ANHX: variants seen among roughly 807,000 people sequenced by gnomAD.
ANHX encodes anomalous homeobox protein.
In ANHX, 20 loss-of-function variants were observed where a neutral mutation model predicts 38.9. That is an observed-to-expected ratio of 0.51 (90% CI 0.36 to 0.75). ANHX has a LOEUF of 0.75. Ranked by LOEUF, ANHX falls within the 30% of genes least tolerant of loss-of-function variation. ANHX has a pLI of 0.00. For missense variants in ANHX, 475 were observed against 493.1 expected (o/e 0.96, Z 0.35); for synonymous variants, 185 against 203.1 (o/e 0.91, Z 0.76).
At chr12:133,225,985 A>G (rs1957183609) in intron 6 of ANHX, among the ~76,000 whole-genome samples, 157 bp from the exon 7 acceptor site, 1 of 146,350 alleles carries the variant, frequency 6.8e-6, no homozygotes, top group African/African-American at 2.4e-5. Flanking sequence ...CAGACAAAGT[A>G]CTAGAAACAA....
At chr12:133,224,262 G>T (rs1046139265) in intron 7 of ANHX, among the ~76,000 whole-genome samples, 1 of 148,980 alleles carries the variant, frequency 6.7e-6, no homozygotes, top group African/African-American at 2.6e-5. Flanking sequence ...TGTTAAAAAT[G>T]TGATAAAAGC....
rs1957069485 is a variant in ANHX at position 133,218,823 on chromosome 12, T to C, written c.*62A>G. On this transcript the variant is annotated 3_prime_UTR_variant, in exon 10 of 10. Coordinates refer to ENST00000545940, the MANE Select transcript of ANHX (RefSeq NM_001372060.1). ...GGATAAAGCTCTGTAACTCCTTGTG[T>C]TGACCAGGCAGACCATCCACACCCG... is the stretch of plus-strand genomic sequence containing the variant. 6 of 1,285,622 alleles carry C rather than the reference T, an allele frequency of 4.7e-6. No homozygotes were observed. Among genetic ancestry groups the C allele is most frequent in the Admixed American group, 2.8e-5 (1 of 35,768 alleles). 79.6% of individuals were successfully genotyped at this position (1,285,622 alleles called of 1,614,324 possible).
intron 3 of ANHX, among the ~76,000 whole-genome samples, chr12:133,228,258 C>T (rs909471564): frequency 3.3e-5 from 5 of 151,794 alleles, no homozygotes; most frequent in Middle Eastern, 3.4e-3. Flanking sequence ...CACATGTAGA[C>T]ATCCTCATCC....
intron 4 of ANHX, 126 bp from the exon 5 acceptor site, chr12:133,227,278 G>A (rs1957202963): frequency 2.9e-6 from 3 of 1,023,604 alleles, no homozygotes; most frequent in Non-Finnish European, 4.2e-6. Flanking sequence ...ACCTCTCCAA[G>A]GACAGCAGAG....
intron 7 of ANHX, among the ~76,000 whole-genome samples, chr12:133,223,870 A>G (rs1248923607): frequency 2.0e-5 from 3 of 152,272 alleles, no homozygotes; most frequent in Non-Finnish European, 4.4e-5. Flanking sequence ...ATAAGAAAAA[A>G]AGAATCTAAG....
chr12:133,232,539 C>A (rs1436357771), intron 2 of ANHX, among the ~76,000 whole-genome samples: 1 of 152,188 alleles, frequency 6.6e-6, no homozygotes, highest in Non-Finnish European at 1.5e-5. Context: ...ATGGGAACTT[C>A]CCCCTGCCCT....
At chr12:133,232,691 C>A (rs919926118) in intron 2 of ANHX, among the ~76,000 whole-genome samples, 1 of 152,214 alleles carries the variant, frequency 6.6e-6, no homozygotes, top group African/African-American at 2.4e-5. Context: ...CTTCTAATTC[C>A]TCTGCAGGGG....
Position 133,231,586 on chromosome 12 carries a change from T to C in ANHX, c.308A>G (p.Tyr103Cys), listed in dbSNP as rs970307411. 2.0e-6 allele frequency: 3 copies of C among 1,535,966 alleles called. No individual in the cohort carries two copies. Among genetic ancestry groups the C allele is most frequent in the Admixed American group, 3.9e-5 (2 of 50,984 alleles). The change falls in exon 3 of 10, where the codon TAC becomes TGC. Residue 103 changes from tyrosine (Y) to cysteine (C), a missense_variant. Coordinates refer to ENST00000545940, the MANE Select transcript of ANHX (RefSeq NM_001372060.1). ...ELVQLWNDIH[Y>C]RLVMRRLGVA... Reference sequence around the variant, plus strand: ...GCCCAGCCTCCTCATGACCAGACGGTAGTGGATGTCGTTCCAGAGCTGCAC... The same window carrying C: ...GCCCAGCCTCCTCATGACCAGACGGCAGTGGATGTCGTTCCAGAGCTGCAC...
intron 2 of ANHX, among the ~76,000 whole-genome samples, chr12:133,233,425 AG>A (rs1957314275): frequency 6.6e-6 from 1 of 152,176 alleles, no homozygotes; most frequent in Admixed American, 6.5e-5. Context: ...AAGGAAAAAT[AG>A]GCATTCAAAT....
intron 3 of ANHX, among the ~76,000 whole-genome samples, chr12:133,230,853 C>G (rs1957262466): frequency 6.6e-6 from 1 of 152,114 alleles, no homozygotes; most frequent in East Asian, 1.9e-4. Flanking sequence ...GTTACCCTTT[C>G]TGTGCCTCCG....
Position 133,227,045 on chromosome 12 carries a change from C to A in ANHX, c.609G>T (p.Gln203His), listed in dbSNP as rs1490882001. 2.6e-6 allele frequency: 4 copies of A among 1,535,944 alleles called. No homozygotes were observed. The highest frequency in any genetic ancestry group is 2.7e-5 in the African/African-American group (2 of 73,054). Residue 203 changes from glutamine to histidine, a missense_variant, in exon 5 of 10, where the codon CAG (glutamine) becomes CAT (histidine). Physicochemically the swap from Gln to His is conservative, Grantham distance 24. Transcript: ENST00000545940. ...CACCAGGGTCTTCAGCTGTGGCCTG[C>A]TGGGCTGGCTTCATGTGCTGGGGAA... The part of the protein sequence containing the change: ...RALPQHMKPA[Q>H]QATAEDPGAR...
At chr12:133,225,366 T>C (rs1383246210) in intron 7 of ANHX, among the ~76,000 whole-genome samples, 170 bp downstream of exon 7, 3 of 151,976 alleles carry the variant, frequency 2.0e-5, no homozygotes, top group Admixed American at 6.6e-5. Flanking sequence ...AGAAATAATC[T>C]GGGATGTTTG....
At position 133,221,457 on chromosome 12, in the gene ANHX, C is replaced by T; in HGVS notation, c.1133-105G>A. 1.5e-6 allele frequency: 2 copies of T among 1,326,540 alleles called. No individual in the cohort carries two copies. Among genetic ancestry groups the T allele is most frequent in the East Asian group, 5.1e-5 (2 of 39,226 alleles). The allele number at this position is 1,326,540 out of a possible 1,614,324, so 82.2% of individuals were successfully genotyped here. ...CACGGAGGCGGATGCAGCCTCCGGC[C>T]CAGCCAGCCCGCGCCACGTGAACCA... On this transcript the variant is annotated intron_variant, in intron 7 of 9. Coordinates refer to ENST00000545940, the MANE Select transcript of ANHX (RefSeq NM_001372060.1). This position sits in a 1 kb window ranked among gnomAD's most constrained non-coding sequence, Gnocchi z 4.1.
At chr12:133,220,464 T>C (rs1361797298) in intron 8 of ANHX, among the ~76,000 whole-genome samples, 8 of 152,170 alleles carry the variant, frequency 5.3e-5, no homozygotes, top group Admixed American at 5.2e-4. Context: ...GTCAGGCTGT[T>C]TGAGCAAGCA....
At chr12:133,235,765 G>A (rs1239430535) in intron 1 of ANHX, 42 bp downstream of exon 1, 1 of 108,438 alleles carries the variant, frequency 9.2e-6, no homozygotes, top group Non-Finnish European at 1.9e-5. Context: ...GCCCCCGCGC[G>A]TCCCTCATCC....
At chr12:133,219,778 A>G (rs971643768) in intron 8 of ANHX, among the ~76,000 whole-genome samples, 1 of 152,198 alleles carries the variant, frequency 6.6e-6, no homozygotes, top group African/African-American at 2.4e-5. Context: ...ACCATGAGAA[A>G]TGAAGGCAGG....
intron 7 of ANHX, among the ~76,000 whole-genome samples, chr12:133,223,944 G>T (rs183391835): frequency 3.0e-4 from 45 of 152,282 alleles, no homozygotes; most frequent in Admixed American, 2.6e-3. Context: ...TTGCAAAATT[G>T]TTAACCAAAC....
chr12:133,230,450 C>T (rs1318454852), intron 3 of ANHX, among the ~76,000 whole-genome samples: 1 of 152,188 alleles, frequency 6.6e-6, no homozygotes, highest in Non-Finnish European at 1.5e-5. Context: ...GTATTCTTAC[C>T]GACCAGGCCC....
At position 133,234,147 on chromosome 12, in the gene ANHX, G is replaced by C. The variant is rs1864265455; in HGVS notation, c.210C>G (p.Asp70Glu). Reference sequence around the variant, plus strand: ...AAGCCGCCTGCTGCTGCTCCTGCTGGTCCAGGACACGGGCGCACGCCAGGG... The same window carrying C: ...AAGCCGCCTGCTGCTGCTCCTGCTGCTCCAGGACACGGGCGCACGCCAGGG... ...DVALACARVL[D>E]QQEQQQAACR... The change falls in exon 2 of 10, where the codon GAC becomes GAG. Residue 70 changes from aspartate to glutamate, a missense_variant. Coordinates refer to ENST00000545940, the MANE Select transcript of ANHX (RefSeq NM_001372060.1). 3.3e-6 allele frequency: 5 copies of C among 1,536,064 alleles called. No homozygotes were observed. The highest frequency in any genetic ancestry group is 4.4e-6 in the Non-Finnish European group (5 of 1,146,890).
Sources: allele counts gnomAD v4.1 joint callset (sites outside exome capture counted in the v4.1 genomes callset), GRCh38; gene constraint gnomAD v4.1.1; non-coding constraint Gnocchi (gnomAD v3.1); transcripts MANE v1.5; gene names NCBI Gene and HGNC (gene_info 2026-07-23, HGNC 2026-07-21).